The following ARHGAP8 variants were observed in gnomAD, a reference collection of about 807,000 sequenced individuals.
The protein encoded by ARHGAP8 is Rho GTPase activating protein 8.
In ARHGAP8, 62 loss-of-function variants were observed where a neutral mutation model predicts 46.1. That is an observed-to-expected ratio of 1.34 (90% CI 1.10 to 1.66). The LOEUF is 1.66. ARHGAP8 is among the 40% of genes most tolerant of loss of function. The pLI is 0.00. For missense variants in ARHGAP8, 923 were observed against 568.4 expected, an observed-to-expected ratio of 1.62 and a Z score of -6.34; for synonymous variants, 375 against 243.1, an observed-to-expected ratio of 1.54 and a Z score of -5.05.
chr22:44,764,835 G>T (rs976604270), intron 1 of ARHGAP8, among the ~76,000 whole-genome samples: 1 of 152,248 alleles, frequency 6.6e-6, no homozygotes, highest in Non-Finnish European at 1.5e-5. Flanking sequence ...CTGCGAGAGG[G>T]AGCTGAGAGT....
intron 3 of ARHGAP8, 110 bp from the exon 4 acceptor site, chr22:44,808,197 C>T (rs970619476): frequency 6.6e-6 from 10 of 1,505,102 alleles, no homozygotes; most frequent in Non-Finnish European, 8.9e-6. Flanking sequence ...TCCATGTGGC[C>T]CGGTGCTGGC....
At chr22:44,765,708 C>T (rs534067585) in intron 1 of ARHGAP8, among the ~76,000 whole-genome samples, 51 of 152,342 alleles carry the variant, frequency 3.3e-4, no homozygotes, top group Non-Finnish European at 6.0e-4. Context: ...GTCACCTCTG[C>T]ATCTGGAAGC....
intron 1 of ARHGAP8, among the ~76,000 whole-genome samples, chr22:44,763,481 G>C (rs1207112512): frequency 9.1e-6 from 1 of 109,446 alleles, no homozygotes; most frequent in Non-Finnish European, 1.7e-5. Context: ...GACAAAGCGA[G>C]ACTCTGTCTC....
intron 1 of ARHGAP8, among the ~76,000 whole-genome samples, chr22:44,754,318 A>G (rs1924490108): frequency 6.7e-6 from 1 of 149,050 alleles, no homozygotes. Flanking sequence ...CTTGGATAAC[A>G]TCATTGGGTC....
intron 7 of ARHGAP8, among the ~76,000 whole-genome samples, chr22:44,826,917 G>T (rs995192766): frequency 1.6e-4 from 24 of 152,184 alleles, no homozygotes; most frequent in Non-Finnish European, 3.4e-4. Context: ...GCCAAGAGTG[G>T]AGGAGCTCAG....
chr22:44,830,818 C>T (rs1213399349), intron 7 of ARHGAP8, among the ~76,000 whole-genome samples: 5 of 152,304 alleles, frequency 3.3e-5, no homozygotes, highest in Non-Finnish European at 5.9e-5. Flanking sequence ...GGATTACAGG[C>T]GTGAGCCACC....
At chr22:44,772,500 A>G (rs1926113688) in intron 1 of ARHGAP8, among the ~76,000 whole-genome samples, 1 of 151,480 alleles carries the variant, frequency 6.6e-6, no homozygotes, top group African/African-American at 2.4e-5. Flanking sequence ...ATTTTTGAAT[A>G]TTAAAACAAC....
At chr22:44,805,016 A>AC (rs1928834681) in intron 3 of ARHGAP8, among the ~76,000 whole-genome samples, 1 of 152,030 alleles carries the variant, frequency 6.6e-6, no homozygotes, top group African/African-American at 2.4e-5. Flanking sequence ...GGAGGTGCTC[A>AC]CCCCAGTGAG....
intron 1 of ARHGAP8, among the ~76,000 whole-genome samples, chr22:44,772,470 A>G (rs1191294000): frequency 6.6e-6 from 1 of 150,406 alleles, no homozygotes; most frequent in Non-Finnish European, 1.5e-5. Context: ...GATTACAGGC[A>G]TGAGCCACCG....
At chr22:44,845,989 G>A (rs2069945689) in intron 8 of ARHGAP8, among the ~76,000 whole-genome samples, 1 of 149,278 alleles carries the variant, frequency 6.7e-6, no homozygotes, top group Admixed American at 6.7e-5. Flanking sequence ...GCAGATGCGT[G>A]GGTGTCAGAC....
In ARHGAP8 at chr22:44,806,112, C is replaced by T. The variant is rs538103578; in HGVS notation, c.168-2195C>T. On this transcript the variant is annotated intron_variant, in intron 3 of 11. Coordinates refer to ENST00000356099, the MANE Select transcript of ARHGAP8 (RefSeq NM_181335.3). ...TTCCCTCTCTTGAAAAAGTCATTTG[C>T]GAAATACAAAAGTGGCTATCCTGAG... 1.5e-3 allele frequency among the ~76,000 whole-genome samples: 231 copies of T among 152,116 alleles called. 1 individual carries two copies. Among genetic ancestry groups the T allele is most frequent in the Non-Finnish European group, 2.7e-3 (185 of 68,014 alleles).
intron 4 of ARHGAP8, chr22:44,809,212 G>A (rs1278986421): frequency 1.1e-5 from 5 of 469,028 alleles, no homozygotes; most frequent in Non-Finnish European, 1.8e-5. Context: ...CTGTGTTCCA[G>A]TAAAACATTA....
intron 2 of ARHGAP8, among the ~76,000 whole-genome samples, chr22:44,791,252 G>A (rs1049079779): frequency 6.6e-6 from 1 of 152,168 alleles, no homozygotes; most frequent in East Asian, 1.9e-4. Context: ...GCGCTGTGCT[G>A]GGGTGTGTGC....
At chr22:44,861,376 C>T (rs945073047) in intron 11 of ARHGAP8, among the ~76,000 whole-genome samples, 1 of 152,176 alleles carries the variant, frequency 6.6e-6, no homozygotes, top group Non-Finnish European at 1.5e-5. Context: ...GTGTTATCAC[C>T]CCAGTGGCAC....
At chr22:44,797,979 A>ATTT (rs36101080) in intron 2 of ARHGAP8, among the ~76,000 whole-genome samples, 5,850 of 128,562 alleles carry the variant, frequency 0.046, 187 homozygotes, top group Non-Finnish European at 0.065. Flanking sequence ...GGCCAATAAG[A>ATTT]TTTTTTTTTT....
At chr22:44,818,838 A>G (rs1258377685) in intron 5 of ARHGAP8, among the ~76,000 whole-genome samples, 1 of 151,868 alleles carries the variant, frequency 6.6e-6, no homozygotes, top group Admixed American at 6.6e-5. Flanking sequence ...CCGGGATTAC[A>G]GGTGCGCACC....
At chr22:44,763,098 A>T (rs2146995189) in intron 1 of ARHGAP8, among the ~76,000 whole-genome samples, 1 of 152,264 alleles carries the variant, frequency 6.6e-6, no homozygotes, top group South Asian at 2.1e-4. Flanking sequence ...CAAGGCTAAG[A>T]GTCTGTTTTC....
At chr22:44,783,306 C>G (rs962840270) in intron 1 of ARHGAP8, among the ~76,000 whole-genome samples, 1 of 152,138 alleles carries the variant, frequency 6.6e-6, no homozygotes, top group Non-Finnish European at 1.5e-5. Context: ...CCTCCCCACC[C>G]CCGCAGCGGT....
At chr22:44,796,533 CTG>C (rs142971731) in intron 2 of ARHGAP8, among the ~76,000 whole-genome samples, 9,999 of 152,122 alleles carry the variant, frequency 0.066, 357 homozygotes, top group African/African-American at 0.075. Context: ...TGAGTTCACT[CTG>C]TGGCCTGTGA....
Sources: allele counts gnomAD v4.1 joint callset (sites outside exome capture counted in the v4.1 genomes callset), GRCh38; gene constraint gnomAD v4.1.1; transcripts MANE v1.5; gene names NCBI Gene and HGNC (gene_info 2026-07-23, HGNC 2026-07-21).